The following CCDC91 variants were observed in gnomAD, a reference collection of about 807,000 sequenced individuals.
CCDC91 encodes coiled-coil domain containing 91.
A neutral mutation model predicts 63.2 loss-of-function variants in CCDC91; 48 were observed. The observed-to-expected ratio is 0.76, with a 90% CI of 0.60 to 0.97. The LOEUF (loss-of-function observed/expected upper bound fraction) is 0.97, where lower values mean the gene tolerates loss of function less well. Ranked by LOEUF, CCDC91 falls within the 50% of genes least tolerant of loss-of-function variation. CCDC91 has a pLI of 0.00. For missense variants in CCDC91, 500 were observed against 494.6 expected (o/e 1.01, Z -0.10); for synonymous variants, 167 against 165.8 (o/e 1.01, Z -0.06).
At chr12:28,544,778 T>C (rs1252387791) in intron 12 of CCDC91, among the ~76,000 whole-genome samples, 1 of 152,084 alleles carries the variant, frequency 6.6e-6, no homozygotes. Flanking sequence ...CACCATCATA[T>C]TGCATTTTAA....
intron 8 of CCDC91, among the ~76,000 whole-genome samples, chr12:28,440,824 C>T (rs58424248): frequency 0.087 from 13,237 of 151,628 alleles, 1,784 homozygotes; most frequent in African/African-American, 0.29. Context: ...TTTGGGAGGC[C>T]GAGGTGGGCG....
intron 6 of CCDC91, among the ~76,000 whole-genome samples, chr12:28,361,512 G>A (rs1364945324): frequency 6.6e-6 from 1 of 151,540 alleles, no homozygotes; most frequent in Non-Finnish European, 1.5e-5. Flanking sequence ...TGTCCTATAT[G>A]TCTTTTAAAA....
chr12:28,383,617 C>G (rs1017444023), intron 7 of CCDC91, among the ~76,000 whole-genome samples: 6 of 152,024 alleles, frequency 3.9e-5, no homozygotes, highest in African/African-American at 1.4e-4. Context: ...TGCGGGAGAC[C>G]ATGATCCTGG....
chr12:28,425,146 C>CT (rs1948237532), intron 8 of CCDC91, among the ~76,000 whole-genome samples: 1 of 152,138 alleles, frequency 6.6e-6, no homozygotes, highest in Non-Finnish European at 1.5e-5. Context: ...GGTGCACAGC[C>CT]AATACATTGT....
chr12:28,548,052 G>C (rs1048682324), intron 12 of CCDC91, among the ~76,000 whole-genome samples: 62 of 152,084 alleles, frequency 4.1e-4, no homozygotes, highest in African/African-American at 1.3e-3. Flanking sequence ...AAATTTTTTA[G>C]GGCCAAAAAG....
At chr12:28,328,903 A>G (rs1941254064) in intron 6 of CCDC91, among the ~76,000 whole-genome samples, 2 of 152,150 alleles carry the variant, frequency 1.3e-5, no homozygotes, top group Non-Finnish European at 2.9e-5. Flanking sequence ...TAAAATAAGA[A>G]AAACAGTTTA....
chr12:28,306,559 C>G (rs1398014126), intron 4 of CCDC91, among the ~76,000 whole-genome samples, 183 bp from the exon 5 acceptor site: 1 of 151,940 alleles, frequency 6.6e-6, no homozygotes, highest in Non-Finnish European at 1.5e-5. Context: ...TTTCTTACAG[C>G]AAAGATCGGG....
At chr12:28,403,454 G>A (rs1247020305) in intron 8 of CCDC91, among the ~76,000 whole-genome samples, 3 of 152,028 alleles carry the variant, frequency 2.0e-5, no homozygotes, top group Admixed American at 6.6e-5. Flanking sequence ...CTAGATGGCT[G>A]TCTTTTTACT....
chr12:28,230,921 G>A (rs1944551007), intron 1 of CCDC91, among the ~76,000 whole-genome samples: 1 of 152,108 alleles, frequency 6.6e-6, no homozygotes, highest in Non-Finnish European at 1.5e-5. Context: ...CACTGTACCT[G>A]GCCTTTATGC....
chr12:28,423,401 G>C (rs1181025277), intron 8 of CCDC91, among the ~76,000 whole-genome samples: 1 of 151,866 alleles, frequency 6.6e-6, no homozygotes, highest in South Asian at 2.1e-4. Context: ...AATATACGGG[G>C]GACAAAGGCA....
chr12:28,441,655 G>GTA (rs1216555934), intron 8 of CCDC91, among the ~76,000 whole-genome samples: 94 of 144,312 alleles, frequency 6.5e-4, no homozygotes, highest in African/African-American at 2.1e-3. Flanking sequence ...TCTCATATGT[G>GTA]TATATATATA....
At position 28,302,514 on chromosome 12, in the gene CCDC91, A is replaced by G. The variant is rs1043256307; in HGVS notation, c.110-3135A>G. 4.3e-5 allele frequency: 17 copies of G among 398,362 alleles called. No homozygotes were observed. The Admixed American group carries it at 9.0e-4, about 21-fold the overall frequency. 24.7% of individuals were successfully genotyped at this position (398,362 alleles called of 1,614,324 possible). On this transcript the variant is annotated intron_variant, in intron 3 of 12. Transcript: ENST00000536442. ...TATTGTAATTTGCCTAAGGCTGCAT[A>G]ATGCATAAATTGTTAATGTTTAAAT... is the stretch of plus-strand genomic sequence containing the variant.
At chr12:28,192,098 T>TACA (rs1337075759) in intron 1 of CCDC91, among the ~76,000 whole-genome samples, 2 of 152,248 alleles carry the variant, frequency 1.3e-5, no homozygotes, top group Non-Finnish European at 2.9e-5. Context: ...CATTTTTGTT[T>TACA]ATTTTGATCA....
intron 8 of CCDC91, among the ~76,000 whole-genome samples, chr12:28,428,121 C>G (rs529365089): frequency 6.6e-6 from 1 of 152,246 alleles, no homozygotes; most frequent in South Asian, 2.1e-4. Context: ...TTAATATTCT[C>G]TTTTTCACTA....
At chr12:28,290,877 A>T (rs1949206164) in intron 3 of CCDC91, among the ~76,000 whole-genome samples, 1 of 152,092 alleles carries the variant, frequency 6.6e-6, no homozygotes, top group Admixed American at 6.5e-5. Flanking sequence ...TAAAATGTTA[A>T]GTTTTTTGTA....
chr12:28,249,773 A>G (rs1396172613), intron 1 of CCDC91, among the ~76,000 whole-genome samples: 1 of 151,958 alleles, frequency 6.6e-6, no homozygotes, highest in African/African-American at 2.4e-5. Flanking sequence ...TACTTCTTCA[A>G]TCACATTTCC....
chr12:28,368,695 T>C (rs761389702), intron 7 of CCDC91, among the ~76,000 whole-genome samples: 10 of 152,194 alleles, frequency 6.6e-5, no homozygotes, highest in Non-Finnish European at 1.3e-4. Context: ...CATACTGTTA[T>C]AAAGAACTAC....
chr12:28,500,877 T>TA (rs1164161874), intron 12 of CCDC91, among the ~76,000 whole-genome samples: 3 of 151,726 alleles, frequency 2.0e-5, no homozygotes, highest in African/African-American at 7.2e-5. Context: ...CTCAATCTGT[T>TA]AGAGTCTGAT....
chr12:28,395,210 GT>G (rs1432735230), intron 8 of CCDC91, among the ~76,000 whole-genome samples: 1 of 152,144 alleles, frequency 6.6e-6, no homozygotes, highest in Non-Finnish European at 1.5e-5. Flanking sequence ...CCTCTGTACT[GT>G]TTCAACTTAC....
Sources: allele counts gnomAD v4.1 joint callset (sites outside exome capture counted in the v4.1 genomes callset), GRCh38; gene constraint gnomAD v4.1.1; transcripts MANE v1.5; gene names NCBI Gene and HGNC (gene_info 2026-07-23, HGNC 2026-07-21).